MSI2: variants seen among roughly 807,000 people sequenced by gnomAD.
MSI2 encodes musashi RNA binding protein 2, also known as RNA-binding protein Musashi homolog 2.
In MSI2, 17 loss-of-function variants were observed where a neutral mutation model predicts 45.6. The observed-to-expected ratio is 0.37, with a 90% CI of 0.26 to 0.56. MSI2 has a LOEUF of 0.56. Ranked by LOEUF, MSI2 falls within the 20% of genes least tolerant of loss-of-function variation. The pLI is 0.77. For synonymous variants in MSI2, 156 were observed against 158.2 expected (o/e 0.99, Z 0.11); for missense variants, 293 against 444.2 (o/e 0.66, Z 3.06).
intron 10 of MSI2, among the ~76,000 whole-genome samples, chr17:57,634,983 G>A (rs559882377): frequency 6.6e-6 from 1 of 152,342 alleles, no homozygotes; most frequent in South Asian, 2.1e-4. Flanking sequence ...ACCAGTTTCA[G>A]CTGCCTGGAA....
intron 11 of MSI2, among the ~76,000 whole-genome samples, chr17:57,655,085 G>T (rs1482235436): frequency 1.3e-5 from 2 of 151,850 alleles, no homozygotes; most frequent in African/African-American, 4.8e-5. Flanking sequence ...GGGCCTTGAG[G>T]TCTGTGCCCA....
chr17:57,516,270 G>A (rs2086468146), intron 6 of MSI2, among the ~76,000 whole-genome samples: 1 of 152,166 alleles, frequency 6.6e-6, no homozygotes, highest in Admixed American at 6.5e-5. Flanking sequence ...GTCGTTTTGA[G>A]AATGTCACAG....
intron 5 of MSI2, among the ~76,000 whole-genome samples, chr17:57,281,587 C>T (rs1909421974): frequency 1.3e-5 from 2 of 152,152 alleles, no homozygotes; most frequent in Non-Finnish European, 2.9e-5. Flanking sequence ...CGAGCAGAAC[C>T]CAAGCTAGGA....
chr17:57,275,945 GCTCA>G (rs1908806572), intron 5 of MSI2, among the ~76,000 whole-genome samples: 1 of 152,140 alleles, frequency 6.6e-6, no homozygotes, highest in South Asian at 2.1e-4. Flanking sequence ...AGTTCTCTGT[GCTCA>G]CTGTCTCCCT....
intron 6 of MSI2, among the ~76,000 whole-genome samples, chr17:57,498,889 G>A (rs2143851432): frequency 6.6e-6 from 1 of 151,520 alleles, no homozygotes; most frequent in East Asian, 1.9e-4. Context: ...TTTACATTAG[G>A]TATATCTCCT....
At chr17:57,685,383 A>AGGGATGAAGCG (rs1231104772), downstream of MSI2, 2 of 152,196 alleles carry the variant, frequency 1.3e-5, no homozygotes, top group African/African-American at 4.8e-5. Flanking sequence ...GAGGAGTGCA[A>AGGGATGAAGCG]GGGATGAAGC....
chr17:57,358,281 T>C (rs1463280791), intron 5 of MSI2, among the ~76,000 whole-genome samples: 1 of 152,092 alleles, frequency 6.6e-6, no homozygotes, highest in Admixed American at 6.6e-5. Flanking sequence ...CAGGCATTTT[T>C]TCTCCTGGGT....
At chr17:57,545,654 A>G (rs2087148823) in intron 7 of MSI2, among the ~76,000 whole-genome samples, 1 of 151,844 alleles carries the variant, frequency 6.6e-6, no homozygotes, top group Non-Finnish European at 1.5e-5. Flanking sequence ...GACTTAATGA[A>G]CTCTTGTCTT....
rs34727727 is a variant in MSI2, at chr17:57,512,968, C to CTTTTTTTTT, written c.406-16699_406-16691dup. ...ATATTGCACATGAATTAGCTTCTTC[C>CTTTTTTTTT]TTTTTTTTTTTTTTTTTCCTTCTGA... On this transcript the variant is annotated intron_variant, in intron 6 of 13. Transcript: ENST00000284073. Among the ~76,000 whole-genome samples, 157 of 114,714 alleles carry CTTTTTTTTT rather than the reference C, an allele frequency of 1.4e-3. 9 individuals carry two copies. Among genetic ancestry groups the CTTTTTTTTT allele is most frequent in the South Asian group, 3.2e-3 (11 of 3,434 alleles). 75.3% of individuals were successfully genotyped at this position (114,714 alleles called of 152,430 possible). A position where few individuals can be genotyped will look rare whatever the true frequency, so the allele number is the denominator to read the frequency against.
chr17:57,256,730 G>C lies in MSI2; in HGVS notation c.-13G>C, dbSNP rs1192423493. 1.8e-6 allele frequency: 1 copy of C among 569,896 alleles called. No homozygotes were observed. Among genetic ancestry groups the C allele is most frequent in the Non-Finnish European group, 2.7e-6 (1 of 375,416 alleles). 35.3% of individuals were successfully genotyped at this position (569,896 alleles called of 1,614,324 possible). A position where few individuals can be genotyped will look rare whatever the true frequency, so the allele number is the denominator to read the frequency against. ...TTGGTTTTTTGGGGGTGGGGGGGCG[G>C]GGGGGCTCAGATATGGAGGCAAATG... On this transcript the variant is annotated 5_prime_UTR_variant, in exon 1 of 14. Transcript: ENST00000284073.
chr17:57,671,825 C>CAG (rs1480229224), intron 11 of MSI2, among the ~76,000 whole-genome samples: 6 of 152,364 alleles, frequency 3.9e-5, no homozygotes, highest in African/African-American at 1.4e-4. Context: ...CCTAAGCAGC[C>CAG]AGAGCCGTTG....
intron 6 of MSI2, among the ~76,000 whole-genome samples, chr17:57,526,257 C>G (rs934935667): frequency 1.3e-5 from 2 of 151,884 alleles, no homozygotes; most frequent in African/African-American, 4.8e-5. Flanking sequence ...AACTCCTGTT[C>G]CCAGCTTCCC....
intron 5 of MSI2, among the ~76,000 whole-genome samples, chr17:57,315,599 A>G (rs1448969937): frequency 6.6e-6 from 1 of 152,182 alleles, no homozygotes; most frequent in Non-Finnish European, 1.5e-5. Context: ...TGCATGCACC[A>G]GATAAGCTCT....
intron 11 of MSI2, among the ~76,000 whole-genome samples, chr17:57,658,632 G>T (rs923111895): frequency 6.6e-6 from 1 of 152,228 alleles, no homozygotes; most frequent in Non-Finnish European, 1.5e-5. Context: ...ATCAACTCTA[G>T]TGCAATTAGT....
chr17:57,633,987 A>T (rs2144631352), intron 10 of MSI2, among the ~76,000 whole-genome samples: 1 of 152,182 alleles, frequency 6.6e-6, no homozygotes, highest in African/African-American at 2.4e-5. Flanking sequence ...GTCAGGCCCC[A>T]TCCTTTCTCT....
At chr17:57,453,210 A>G (rs1452882807) in intron 6 of MSI2, among the ~76,000 whole-genome samples, 1 of 152,108 alleles carries the variant, frequency 6.6e-6, no homozygotes, top group Non-Finnish European at 1.5e-5. Flanking sequence ...TAGGTTGGTC[A>G]GGCTGATCTC....
At chr17:57,475,932 A>G (rs1190314211) in intron 6 of MSI2, among the ~76,000 whole-genome samples, 1 of 152,208 alleles carries the variant, frequency 6.6e-6, no homozygotes, top group African/African-American at 2.4e-5. Context: ...TTAAGTCTTT[A>G]GACTCAACAA....
intron 6 of MSI2, chr17:57,448,906 T>G (rs1196636471): frequency 1.3e-5 from 2 of 152,068 alleles, no homozygotes; most frequent in African/African-American, 2.4e-5. Flanking sequence ...TAGGAAGGAG[T>G]GGAGGATTGG....
chr17:57,588,087 A>G (rs1904476051), intron 7 of MSI2, among the ~76,000 whole-genome samples: 1 of 152,058 alleles, frequency 6.6e-6, no homozygotes, highest in Admixed American at 6.5e-5. Context: ...GACCCCAAAG[A>G]GAGGCTGCTT....
Sources: allele counts gnomAD v4.1 joint callset (sites outside exome capture counted in the v4.1 genomes callset), GRCh38; gene constraint gnomAD v4.1.1; transcripts MANE v1.5; gene names NCBI Gene and HGNC (gene_info 2026-07-23, HGNC 2026-07-21).